BBS12: variants seen among roughly 807,000 people sequenced by gnomAD.
The protein encoded by BBS12 is chaperonin-containing T-complex member BBS12.
BBS12 carries 5 observed loss-of-function variants against 5.6 expected under a neutral mutation model. The observed-to-expected ratio is 0.89, with a 90% CI of 0.46 to 1.86. BBS12 has a LOEUF of 1.86. Ranked by LOEUF, BBS12 falls within the 40% of genes most tolerant of loss-of-function variation. The pLI, the probability that BBS12 is intolerant of heterozygous loss-of-function variation, is 0.01. For missense variants in BBS12, 748 were observed against 830.4 expected (o/e 0.90, Z 1.22); for synonymous variants, 308 against 306.8 (o/e 1.00, Z -0.04).
the BBS12 span, among the ~76,000 whole-genome samples, chr4:122,720,693 T>C: frequency 6.6e-6 from 1 of 152,026 alleles, no homozygotes; most frequent in South Asian, 2.1e-4. Context: ...AGAGAGGATA[T>C]GATGATTCGG....
chr4:122,709,573 A>G, the BBS12 span, among the ~76,000 whole-genome samples: 1 of 152,232 alleles, frequency 6.6e-6, no homozygotes, highest in African/African-American at 2.4e-5. Context: ...AATGATCATA[A>G]TAAAAAGTGT....
In BBS12 at chr4:122,742,232, T is replaced by A; in HGVS notation, c.340T>A (p.Ser114Thr). The change falls in exon 2 of 2, where the codon TCA becomes ACA. Residue 114 changes from serine (S) to threonine (T), a missense_variant. Transcript: ENST00000314218. Reference sequence around the variant, plus strand: ...TGGTGTCCCCATTTCCATAATAGTATCAGTAATGTCAGAAGGCTTAAACTT... The same window carrying A: ...TGGTGTCCCCATTTCCATAATAGTAACAGTAATGTCAGAAGGCTTAAACTT... ...HLGVPISIIV[S>T]VMSEGLNFCS... 6.2e-7 allele frequency: 1 copy of A among 1,613,904 alleles called. No individual in the cohort carries two copies. The highest frequency in any genetic ancestry group is 1.7e-5 in the Admixed American group (1 of 60,032).
intron 1 of BBS12, 52 bp from the exon 2 acceptor site, chr4:122,741,831 T>C: frequency 6.8e-7 from 1 of 1,474,852 alleles, no homozygotes; most frequent in Non-Finnish European, 9.4e-7. Flanking sequence ...ATATAGCATT[T>C]ATAACTATGA....
intron 1 of BBS12, among the ~76,000 whole-genome samples, chr4:122,739,324 G>A (rs1293111018): frequency 6.6e-6 from 1 of 152,236 alleles, no homozygotes; most frequent in Non-Finnish European, 1.5e-5. Context: ...TTGTTGGTGG[G>A]AATGTTCAGC....
In BBS12 at chr4:122,743,139, G is replaced by A; in HGVS notation, c.1247G>A (p.Gly416Glu). Residue 416 changes from glycine (G) to glutamate (E), a missense_variant, in exon 2 of 2, where the codon GGA (glycine) becomes GAA (glutamate). Gly to Glu is a moderately conservative substitution (Grantham distance 98, BLOSUM62 -2). Transcript: ENST00000314218. ...QFKVNLVLVQGNVSERLIEKC... is the reference protein window; with the variant it reads ...QFKVNLVLVQENVSERLIEKC... ...AAGGTGAACCTTGTCCTGGTACAAG[G>A]AAATGTGTCCGAACGCTTAATTGAA... 1 of 1,614,252 alleles carries A rather than the reference G, an allele frequency of 6.2e-7. No individual in the cohort carries two copies. The highest frequency in any genetic ancestry group is 2.2e-5 in the East Asian group (1 of 44,892).
the BBS12 span, among the ~76,000 whole-genome samples, chr4:122,722,917 C>T: frequency 6.6e-6 from 1 of 152,098 alleles, no homozygotes; most frequent in Non-Finnish European, 1.5e-5. Context: ...TATTCCTCAT[C>T]TTAGAAAGTT....
chr4:122,707,158 T>G, the BBS12 span, among the ~76,000 whole-genome samples: 1 of 151,168 alleles, frequency 6.6e-6, no homozygotes, highest in African/African-American at 2.4e-5. Flanking sequence ...ATGTGGCTTA[T>G]CTCACAGTTT....
At chr4:122,727,427 G>A in the BBS12 span, among the ~76,000 whole-genome samples, 2 of 151,702 alleles carry the variant, frequency 1.3e-5, no homozygotes, top group African/African-American at 4.8e-5. Flanking sequence ...TTTATTTTTA[G>A]TAGAGACAGG....
the BBS12 span, among the ~76,000 whole-genome samples, chr4:122,724,850 G>A: frequency 6.6e-6 from 1 of 152,146 alleles, no homozygotes; most frequent in Non-Finnish European, 1.5e-5. Flanking sequence ...CAGAGGGATA[G>A]ATTTAAATAA....
upstream of BBS12, chr4:122,732,691 T>TAA: frequency 6.6e-6 from 1 of 152,516 alleles, no homozygotes; most frequent in East Asian, 1.9e-4. Context: ...GGAACTTCTC[T>TAA]CTCCAGCTGT....
chr4:122,727,710 G>A (rs1017710652), upstream of BBS12, among the ~76,000 whole-genome samples: 4 of 151,380 alleles, frequency 2.6e-5, no homozygotes, highest in South Asian at 4.2e-4. Flanking sequence ...CTGCCACCAC[G>A]TCCAGCTATT....
In BBS12 at chr4:122,743,206, T is replaced by C; in HGVS notation, c.1314T>C (p.Asn438=). Residue 438 remains asparagine, a synonymous_variant, in exon 2 of 2, where the codon AAT becomes AAC. Transcript: ENST00000314218. ...NSKRLVIGSV[N]GSVMQAFAEA... ...AGCGGTTGGTAATCGGCTCAGTGAA[T>C]GGCAGTGTGATGCAGGCTTTTGCAG... 6.2e-7 allele frequency: 1 copy of C among 1,614,166 alleles called. No homozygotes were observed. The highest frequency in any genetic ancestry group is 8.5e-7 in the Non-Finnish European group (1 of 1,180,030).
the BBS12 span, among the ~76,000 whole-genome samples, chr4:122,721,909 C>G: frequency 6.6e-6 from 1 of 152,142 alleles, no homozygotes; most frequent in Non-Finnish European, 1.5e-5. Context: ...AGAGGAATGT[C>G]AAATAACTTG....
the BBS12 span, among the ~76,000 whole-genome samples, chr4:122,715,608 C>T: frequency 6.6e-6 from 1 of 152,162 alleles, no homozygotes; most frequent in African/African-American, 2.4e-5. Context: ...CACAGCAGTT[C>T]AAGGGTGCTT....
At chr4:122,738,539 T>C (rs986059551) in intron 1 of BBS12, among the ~76,000 whole-genome samples, 2 of 152,198 alleles carry the variant, frequency 1.3e-5, no homozygotes, top group South Asian at 2.1e-4. Flanking sequence ...TAAAAACATT[T>C]GGTCATCAAA....
At chr4:122,702,464 T>G in the BBS12 span, among the ~76,000 whole-genome samples, 2 of 152,222 alleles carry the variant, frequency 1.3e-5, no homozygotes, top group Non-Finnish European at 2.9e-5. Flanking sequence ...ATCCTATATG[T>G]GCCTGCTGAC....
At chr4:122,719,356 A>G in the BBS12 span, among the ~76,000 whole-genome samples, 23 of 152,176 alleles carry the variant, frequency 1.5e-4, no homozygotes, top group African/African-American at 5.6e-4. Flanking sequence ...AGGGAATAAA[A>G]GCTGGCCACC....
Position 122,742,674 on chromosome 4 carries a change from A to G in BBS12, c.782A>G (p.Lys261Arg). The change falls in exon 2 of 2, where the codon AAA (lysine) becomes AGA (arginine). Residue 261 changes from lysine (K) to arginine (R), a missense_variant. By Grantham distance (26) the Lys-to-Arg change is conservative (BLOSUM62 2). Coordinates refer to ENST00000314218, the MANE Select transcript of BBS12 (RefSeq NM_152618.3). ...CAAGAACATGTTACAGCTACTCACA[A>G]AACTTACAGATGTAATGATTTGGTA... is the stretch of plus-strand genomic sequence containing the variant. ...GFQEHVTATH[K>R]TYRCNDLVEL... is the part of the protein sequence containing the mutation. 1 of 1,614,246 alleles carries G rather than the reference A, an allele frequency of 6.2e-7. No individual in the cohort carries two copies. The highest frequency in any genetic ancestry group is 8.5e-7 in the Non-Finnish European group (1 of 1,180,044).
the BBS12 span, among the ~76,000 whole-genome samples, chr4:122,704,470 C>A: frequency 6.6e-6 from 1 of 152,196 alleles, no homozygotes; most frequent in Non-Finnish European, 1.5e-5. Context: ...CCCTAGCTGG[C>A]GCCCAGATGC....
Sources: allele counts gnomAD v4.1 joint callset (sites outside exome capture counted in the v4.1 genomes callset), GRCh38; gene constraint gnomAD v4.1.1; transcripts MANE v1.5; gene names NCBI Gene and HGNC (gene_info 2026-07-23, HGNC 2026-07-21).